The following ZDHHC21 variants were observed in gnomAD, a reference collection of about 807,000 sequenced individuals.
ZDHHC21 encodes the protein palmitoyltransferase ZDHHC21.
ZDHHC21 carries 15 observed loss-of-function variants against 34.6 expected under a neutral mutation model. That is an observed-to-expected ratio of 0.43 (90% CI 0.29 to 0.67). The LOEUF is 0.67. Ranked by LOEUF, ZDHHC21 falls within the 30% of genes least tolerant of loss-of-function variation. The pLI is 0.14. For missense variants in ZDHHC21, 344 were observed against 327.7 expected, an observed-to-expected ratio of 1.05 and a Z score of -0.38; for synonymous variants, 142 against 101.8, an observed-to-expected ratio of 1.40 and a Z score of -2.38.
chr9:14,631,010 C>G (rs1024383524), intron 8 of ZDHHC21, among the ~76,000 whole-genome samples: 2 of 152,174 alleles, frequency 1.3e-5, no homozygotes, highest in African/African-American at 4.8e-5. Flanking sequence ...AACTTACAGT[C>G]ACCAGCTGCA....
intron 2 of ZDHHC21, chr9:14,683,861 G>A (rs1483360206): frequency 1.3e-5 from 2 of 152,160 alleles, no homozygotes; most frequent in African/African-American, 4.8e-5. Flanking sequence ...CCATGATCAA[G>A]TGGGCTTCAT....
chr9:14,620,209 T>C (rs1825053315), intron 8 of ZDHHC21, among the ~76,000 whole-genome samples: 1 of 152,032 alleles, frequency 6.6e-6, no homozygotes, highest in Admixed American at 6.6e-5. Context: ...ACCAGAGTTC[T>C]TTCTTAGCGG....
intron 8 of ZDHHC21, among the ~76,000 whole-genome samples, chr9:14,634,606 A>G (rs140044174): frequency 6.6e-6 from 1 of 152,296 alleles, no homozygotes; most frequent in African/African-American, 2.4e-5. Flanking sequence ...ACAGCCAAAC[A>G]AATCCTACAG....
At chr9:14,652,548 A>G (rs562045867) in intron 7 of ZDHHC21, among the ~76,000 whole-genome samples, 1 of 152,122 alleles carries the variant, frequency 6.6e-6, no homozygotes, top group East Asian at 1.9e-4. Context: ...TTAAGTTACT[A>G]TAAAAAACAA....
intron 7 of ZDHHC21, among the ~76,000 whole-genome samples, chr9:14,640,726 T>A (rs1829232713): frequency 1.3e-5 from 2 of 152,132 alleles, no homozygotes; most frequent in African/African-American, 2.4e-5. Flanking sequence ...ATAACAGGGA[T>A]GCATGCAGAG....
rs535818548 is a variant in ZDHHC21 at position 14,688,831 on chromosome 9, C to T, written c.-176+1506G>A. ...GAGCCGAGATCACCCCACTGCACTC[C>T]AGCCTGGGTGACAGAGCGAGACTCT... is the stretch of plus-strand genomic sequence containing the variant. On this transcript the variant is annotated intron_variant, in intron 2 of 9. Coordinates refer to ENST00000380916, the MANE Select transcript of ZDHHC21 (RefSeq NM_178566.6). 1.5e-3 allele frequency among the ~76,000 whole-genome samples: 233 copies of T among 151,148 alleles called. 1 individual carries two copies. The highest frequency in any genetic ancestry group is 5.5e-3 in the African/African-American group (227 of 41,054).
rs983888171 is a variant in ZDHHC21, at chr9:14,616,585, A to C, written c.*2381T>G. The C allele has an allele frequency of 1.1e-4, 16 of 151,816 alleles. No individual in the cohort carries two copies. The highest frequency in any genetic ancestry group is 2.7e-4 in the African/African-American group (11 of 41,410). The allele number at this position is 151,816 out of a possible 1,614,324, so 9.4% of individuals were successfully genotyped here. A position where few individuals can be genotyped will look rare whatever the true frequency, so the allele number is the denominator to read the frequency against. On this transcript the variant is annotated 3_prime_UTR_variant, in exon 10 of 10. Coordinates refer to ENST00000380916, the MANE Select transcript of ZDHHC21 (RefSeq NM_178566.6). ...TTAGCCAAAAGAGGGCGCAGAAACA[A>C]CACCAGTAGATATGCTTAGCAAACT...
chr9:14,603,559 GA>G, the ZDHHC21 span, among the ~76,000 whole-genome samples: 1 of 152,252 alleles, frequency 6.6e-6, no homozygotes. Context: ...ACCGTAACAT[GA>G]AAGATTTGGA....
chr9:14,635,101 G>A (rs1358430742), intron 8 of ZDHHC21, among the ~76,000 whole-genome samples: 1 of 152,052 alleles, frequency 6.6e-6, no homozygotes, highest in African/African-American at 2.4e-5. Context: ...ATTACTTGAA[G>A]ACAGGTATTT....
chr9:14,594,413 CAATT>C, the ZDHHC21 span, among the ~76,000 whole-genome samples: 1 of 152,246 alleles, frequency 6.6e-6, no homozygotes, highest in East Asian at 1.9e-4. Flanking sequence ...ACATTACGAT[CAATT>C]GATTATCAAT....
chr9:14,662,883 G>A (rs1313221280), intron 5 of ZDHHC21, among the ~76,000 whole-genome samples: 4 of 152,032 alleles, frequency 2.6e-5, no homozygotes, highest in Admixed American at 6.6e-5. Context: ...AGTGTGTATG[G>A]GACAGGTTAG....
intron 8 of ZDHHC21, among the ~76,000 whole-genome samples, chr9:14,630,630 C>T (rs1297634708): frequency 1.3e-5 from 2 of 152,212 alleles, no homozygotes; most frequent in African/African-American, 2.4e-5. Context: ...TCACTGTCTA[C>T]AGCAGCTATA....
chr9:14,606,742 G>C (rs1300163367), downstream of ZDHHC21, among the ~76,000 whole-genome samples: 2 of 151,832 alleles, frequency 1.3e-5, no homozygotes, highest in Non-Finnish European at 2.9e-5. Context: ...CTATTAAATA[G>C]ATTAAAAAAT....
intron 8 of ZDHHC21, among the ~76,000 whole-genome samples, chr9:14,626,923 T>G (rs1039355612): frequency 4.6e-5 from 7 of 152,112 alleles, no homozygotes; most frequent in African/African-American, 7.2e-5. Context: ...ATTTTATTTT[T>G]ATCAAGCAAA....
At chr9:14,670,958 T>C (rs1283456315) in intron 5 of ZDHHC21, among the ~76,000 whole-genome samples, 2 of 152,144 alleles carry the variant, frequency 1.3e-5, no homozygotes, top group Admixed American at 1.3e-4. Flanking sequence ...TGGCGACTGA[T>C]ACATTCTGAT....
chr9:14,623,447 T>C (rs1438231095), intron 8 of ZDHHC21, among the ~76,000 whole-genome samples: 2 of 151,976 alleles, frequency 1.3e-5, no homozygotes, highest in Non-Finnish European at 2.9e-5. Flanking sequence ...GAGGTTTGCT[T>C]GAGCCCAGAA....
intron 2 of ZDHHC21, among the ~76,000 whole-genome samples, chr9:14,681,614 C>T (rs1005798441): frequency 3.9e-5 from 6 of 152,008 alleles, no homozygotes; most frequent in Non-Finnish European, 8.8e-5. Context: ...TTTTGGTGGA[C>T]TGATAAAGCA....
intron 7 of ZDHHC21, among the ~76,000 whole-genome samples, chr9:14,658,090 G>A (rs1165804978): frequency 3.3e-5 from 5 of 152,190 alleles, no homozygotes; most frequent in East Asian, 3.9e-4. Context: ...TCTCAAGAAC[G>A]TAACTATTTG....
intron 7 of ZDHHC21, among the ~76,000 whole-genome samples, chr9:14,649,500 T>C (rs920625938): frequency 6.6e-6 from 1 of 152,080 alleles, no homozygotes; most frequent in Non-Finnish European, 1.5e-5. Context: ...GTTTATTATA[T>C]TCTAAAACAT....
Sources: allele counts gnomAD v4.1 joint callset (sites outside exome capture counted in the v4.1 genomes callset), GRCh38; gene constraint gnomAD v4.1.1; transcripts MANE v1.5; gene names NCBI Gene and HGNC (gene_info 2026-07-23, HGNC 2026-07-21).